Variants in KIF1B observed in about 807,000 individuals in gnomAD.
KIF1B encodes the protein kinesin family member 1B.
KIF1B carries 76 observed loss-of-function variants against 241.9 expected under a neutral mutation model. The observed-to-expected ratio is 0.31, with a 90% CI of 0.26 to 0.38. The LOEUF is 0.38. KIF1B is among the 10% of genes least tolerant of loss of function. KIF1B has a pLI of 1.00. For missense variants in KIF1B, 1,622 were observed against 2,271.4 expected, an observed-to-expected ratio of 0.71 and a Z score of 5.81; for synonymous variants, 750 against 796.7, an observed-to-expected ratio of 0.94 and a Z score of 0.99.
chr1:10,277,607 G>A (rs116758061), intron 12 of KIF1B, among the ~76,000 whole-genome samples: 2,622 of 152,192 alleles, frequency 0.017, 85 homozygotes, highest in African/African-American at 0.06. Flanking sequence ...CTAAAGTGTT[G>A]GGATTACAGG....
chr1:10,221,908 C>T (rs972353442), intron 1 of KIF1B, among the ~76,000 whole-genome samples: 6 of 151,970 alleles, frequency 3.9e-5, no homozygotes, highest in Admixed American at 2.0e-4. Flanking sequence ...CTGTGCCTCC[C>T]AGGTTCAAGC....
At chr1:10,325,974 A>T in intron 26 of KIF1B, 137 bp from the exon 27 acceptor site, 1 of 1,175,192 alleles carries the variant, frequency 8.5e-7, no homozygotes, top group Non-Finnish European at 1.3e-6. Flanking sequence ...TGCTTATTTT[A>T]TCCTTTTGCT....
chr1:10,330,340 A>G (rs976549907), intron 27 of KIF1B, among the ~76,000 whole-genome samples: 2 of 152,228 alleles, frequency 1.3e-5, no homozygotes, highest in African/African-American at 4.8e-5. Context: ...AGAATTATCT[A>G]AAAAGGGAAA....
chr1:10,305,671 A>G, intron 22 of KIF1B: 2 of 1,057,380 alleles, frequency 1.9e-6, no homozygotes, highest in Non-Finnish European at 2.3e-6. Flanking sequence ...AGCATTAGTA[A>G]TGCTTGTAGA....
intron 1 of KIF1B, among the ~76,000 whole-genome samples, chr1:10,218,710 G>C (rs544843333): frequency 6.6e-6 from 1 of 152,204 alleles, no homozygotes; most frequent in African/African-American, 2.4e-5. Flanking sequence ...CGTGAGCCAC[G>C]ATGCCCAGCC....
At chr1:10,244,959 T>G (rs1647189577) in intron 2 of KIF1B, among the ~76,000 whole-genome samples, 1 of 152,206 alleles carries the variant, frequency 6.6e-6, no homozygotes, top group East Asian at 1.9e-4. Flanking sequence ...AGCGGAAGAT[T>G]GTGCTGAAGA....
In KIF1B at chr1:10,373,160, C is replaced by T. The variant is rs373477251; in HGVS notation, c.4947-1156C>T. On this transcript the variant is annotated intron_variant, in intron 45 of 48. Transcript: ENST00000676179. Reference sequence around the variant, plus strand: ...ATTTTTAGTAGAGATGGGGTTTCACCGTGTTAGCCAGGATGGTCTTGGTCT... The same window carrying T: ...ATTTTTAGTAGAGATGGGGTTTCACTGTGTTAGCCAGGATGGTCTTGGTCT... Among the ~76,000 whole-genome samples the T allele has an allele frequency of 4.1e-3, 624 of 151,292 alleles. 4 individuals are homozygous for T. The highest frequency in any genetic ancestry group is 0.014 in the African/African-American group (583 of 41,216).
At chr1:10,247,628 C>G (rs1647245087) in intron 2 of KIF1B, among the ~76,000 whole-genome samples, 2 of 152,256 alleles carry the variant, frequency 1.3e-5, no homozygotes, top group South Asian at 4.1e-4. Context: ...AATGACAGTT[C>G]TGTATAGTTA....
At chr1:10,348,540 C>A in intron 36 of KIF1B, 109 bp from the exon 37 acceptor site, 1 of 796,598 alleles carries the variant, frequency 1.3e-6, no homozygotes, top group Non-Finnish European at 2.2e-6. Context: ...CTTTCCACAC[C>A]TCTCCTTCCT....
intron 32 of KIF1B, among the ~76,000 whole-genome samples, chr1:10,340,326 A>G (rs1652344664): frequency 6.6e-6 from 1 of 152,240 alleles, no homozygotes; most frequent in African/African-American, 2.4e-5. Context: ...TTACAACTGT[A>G]TTCCTACGTG....
chr1:10,375,168 A>G, intron 47 of KIF1B, 87 bp from the exon 48 acceptor site: 1 of 1,461,192 alleles, frequency 6.8e-7, no homozygotes, highest in Non-Finnish European at 9.6e-7. Context: ...TCCTTTGTGA[A>G]GTGCTATATG....
chr1:10,358,035 A>AT (rs1474909921), intron 38 of KIF1B, among the ~76,000 whole-genome samples: 3 of 147,490 alleles, frequency 2.0e-5, no homozygotes, highest in East Asian at 2.0e-4. Context: ...TAAAATATAT[A>AT]TTTTTTTAAA....
rs1205580333 is a variant in KIF1B, at chr1:10,365,799, C to G, written c.4752+151C>G. 2 of 1,148,120 alleles carry G rather than the reference C, an allele frequency of 1.7e-6. No individual in the cohort carries two copies. The highest frequency in any genetic ancestry group is 2.5e-6 in the Non-Finnish European group (2 of 791,898). The allele number at this position is 1,148,120 out of a possible 1,614,324, so 71.1% of individuals were successfully genotyped here. A position where few individuals can be genotyped will look rare whatever the true frequency, so the allele number is the denominator to read the frequency against. The stretch of plus-strand genomic sequence containing the variant: ...GAAATAAAAAGACGCAGTTCCTACC[C>G]TCAACAAGCTTACAGGGCCAGGCAC... On this transcript the variant is annotated intron_variant, in intron 43 of 48. Transcript: ENST00000676179. The surrounding 1 kb of genome is among the most constrained non-coding windows in gnomAD (Gnocchi z 4.0).
intron 48 of KIF1B, among the ~76,000 whole-genome samples, chr1:10,375,786 GTTTTTTTTT>G (rs201620952): frequency 1.4e-5 from 1 of 69,566 alleles, no homozygotes; most frequent in African/African-American, 6.0e-5. Context: ...TTCTTTTCTT[GTTTTTTTTT>G]TTTTTTTTTT....
chr1:10,361,448 T>C (rs1638419943), intron 39 of KIF1B, among the ~76,000 whole-genome samples: 1 of 152,208 alleles, frequency 6.6e-6, no homozygotes, highest in African/African-American at 2.4e-5. Context: ...AGAAACTCTC[T>C]TTGCCTCAGT....
rs192372088 is a variant in KIF1B at position 10,341,279 on chromosome 1, G to C, written c.3514-771G>C. ...AAGTTACTTTTTGTTGGGGAGGATAGTTGGGTGGAGAAAGGGGATAGGAAG... is the reference window on the plus strand; with the variant it reads ...AAGTTACTTTTTGTTGGGGAGGATACTTGGGTGGAGAAAGGGGATAGGAAG... On this transcript the variant is annotated intron_variant, in intron 32 of 48. Transcript: ENST00000676179. Among the ~76,000 whole-genome samples, 566 of 152,358 alleles carry C rather than the reference G, an allele frequency of 3.7e-3. 17 individuals carry two copies. The highest frequency in any genetic ancestry group is 0.035 in the Admixed American group (535 of 15,302).
intron 27 of KIF1B, among the ~76,000 whole-genome samples, chr1:10,327,370 G>A (rs895080097): frequency 1.3e-5 from 2 of 151,820 alleles, no homozygotes; most frequent in East Asian, 1.9e-4. Flanking sequence ...GCATGGTGGC[G>A]GGTGCCTGTA....
At chr1:10,317,107 A>T (rs2102290413) in intron 22 of KIF1B, among the ~76,000 whole-genome samples, 1 of 151,618 alleles carries the variant, frequency 6.6e-6, no homozygotes, top group Admixed American at 6.6e-5. Flanking sequence ...GCTAGTAAGA[A>T]AAAGTGCCAG....
intron 22 of KIF1B, chr1:10,306,757 TAAAAAAA>T (rs745772393): frequency 2.6e-4 from 148 of 566,808 alleles, no homozygotes; most frequent in South Asian, 4.3e-4. Context: ...AACCTGTCTT[TAAAAAAA>T]AAAAAAAAAA....
Sources: allele counts gnomAD v4.1 joint callset (sites outside exome capture counted in the v4.1 genomes callset), GRCh38; gene constraint gnomAD v4.1.1; non-coding constraint Gnocchi (gnomAD v3.1); transcripts MANE v1.5; gene names NCBI Gene and HGNC (gene_info 2026-07-23, HGNC 2026-07-21).